CHSY3: variants seen among roughly 807,000 people sequenced by gnomAD.
CHSY3 encodes the protein N-acetylgalactosaminyl-proteoglycan 3-beta-glucuronosyltransferase 3.
Under a neutral mutation model 67.2 loss-of-function variants are expected in CHSY3, and 35 were observed. The observed-to-expected ratio is 0.52, with a 90% CI of 0.40 to 0.69. The LOEUF is 0.69. Among genes scored for constraint, CHSY3 ranks in the 30% least tolerant of loss-of-function variants. CHSY3 has a pLI of 0.00. For synonymous variants in CHSY3, 474 were observed against 434.7 expected (o/e 1.09, Z -1.12); for missense variants, 1,069 against 1,138.5 (o/e 0.94, Z 0.88).
At chr5:130,054,365 A>C (rs1316586029) in intron 2 of CHSY3, among the ~76,000 whole-genome samples, 1 of 152,166 alleles carries the variant, frequency 6.6e-6, no homozygotes, top group Non-Finnish European at 1.5e-5. Context: ...GTTTTCAAAT[A>C]TATTAATATT....
At chr5:130,178,219 A>G (rs1413332959) in intron 2 of CHSY3, among the ~76,000 whole-genome samples, 2 of 83,674 alleles carry the variant, frequency 2.4e-5, no homozygotes, top group African/African-American at 9.7e-5. Context: ...ATATGTATAT[A>G]TTTATATTTA....
intron 2 of CHSY3, among the ~76,000 whole-genome samples, chr5:130,144,123 T>A (rs1323291887): frequency 6.6e-6 from 1 of 151,216 alleles, no homozygotes; most frequent in Non-Finnish European, 1.5e-5. Context: ...TATAAATATA[T>A]CTTTCCAAGC....
chr5:129,907,104 C>G (rs1412496934), intron 1 of CHSY3, among the ~76,000 whole-genome samples: 1 of 152,158 alleles, frequency 6.6e-6, no homozygotes, highest in Non-Finnish European at 1.5e-5. Context: ...CTCAAAATTA[C>G]AAAGGTTTCC....
chr5:130,158,578 C>T (rs1362080051), intron 2 of CHSY3, among the ~76,000 whole-genome samples: 1 of 152,064 alleles, frequency 6.6e-6, no homozygotes, highest in African/African-American at 2.4e-5. Context: ...TTTTAAAGTG[C>T]CCAATATTAT....
intron 2 of CHSY3, among the ~76,000 whole-genome samples, chr5:129,940,946 C>A (rs569501894): frequency 6.6e-6 from 1 of 152,064 alleles, no homozygotes; most frequent in African/African-American, 2.4e-5. Flanking sequence ...TCAGTAGGCA[C>A]GGTGGCTCAT....
At chr5:130,020,158 C>T (rs562100161) in intron 2 of CHSY3, among the ~76,000 whole-genome samples, 37 of 152,080 alleles carry the variant, frequency 2.4e-4, no homozygotes, top group Admixed American at 7.9e-4. Context: ...TGGCTCACGC[C>T]GGTAGTCCCA....
intron 2 of CHSY3, among the ~76,000 whole-genome samples, chr5:130,047,572 A>G (rs1205966826): frequency 6.6e-6 from 1 of 152,088 alleles, no homozygotes; most frequent in East Asian, 1.9e-4. Context: ...TCCTCTATAT[A>G]ATAGGAAAAG....
intron 2 of CHSY3, among the ~76,000 whole-genome samples, chr5:130,157,542 A>C (rs1255692555): frequency 3.3e-5 from 5 of 152,230 alleles, no homozygotes; most frequent in Non-Finnish European, 1.5e-5. Flanking sequence ...AAAGGACCAA[A>C]GATTTTCGTT....
rs559993388 is a variant in CHSY3, at chr5:129,996,672, C to T, written c.1086+88312C>T. Among the ~76,000 whole-genome samples, 36 of 152,224 alleles carry T rather than the reference C, an allele frequency of 2.4e-4. No individual in the cohort carries two copies. The South Asian group carries it at 4.4e-3, about 18-fold the overall frequency. On this transcript the variant is annotated intron_variant, in intron 2 of 2. Transcript: ENST00000305031. ...TGAGGACAAGGCCTTCTAAATCAGG[C>T]TGAGTGCTTCAAAGGAGATCTTATT...
chr5:130,040,675 G>A (rs1368670479), intron 2 of CHSY3, among the ~76,000 whole-genome samples: 1 of 151,980 alleles, frequency 6.6e-6, no homozygotes, highest in Non-Finnish European at 1.5e-5. Context: ...AAACTTCATG[G>A]GCACTCAAAA....
chr5:129,904,724 G>T lies in CHSY3; in HGVS notation c.-106G>T. 1 of 1,226,464 alleles carries T rather than the reference G, an allele frequency of 8.2e-7. No individual in the cohort carries two copies. The highest frequency in any genetic ancestry group is 1.0e-6 in the Non-Finnish European group (1 of 984,938). The allele number at this position is 1,226,464 out of a possible 1,614,324, so 76.0% of individuals were successfully genotyped here. ...TGTCGGCGCCTAGGCGGCCGGCTGC[G>T]GCCGCGGCTGGGGGCGCAAAGGCGG... On this transcript the variant is annotated 5_prime_UTR_variant, in exon 1 of 3. Coordinates refer to ENST00000305031, the MANE Select transcript of CHSY3 (RefSeq NM_175856.5).
chr5:130,159,102 AT>A (rs1769452833), intron 2 of CHSY3, among the ~76,000 whole-genome samples: 1 of 150,570 alleles, frequency 6.6e-6, no homozygotes, highest in African/African-American at 2.4e-5. Flanking sequence ...ACCAAGCAGA[AT>A]TTTGGTTTAC....
In CHSY3 at chr5:129,918,308, G is replaced by C. The variant is rs190856251; in HGVS notation, c.1086+9948G>C. On this transcript the variant is annotated intron_variant, in intron 2 of 2. Coordinates refer to ENST00000305031, the MANE Select transcript of CHSY3 (RefSeq NM_175856.5). ...TATATCTCAGTAATACGTAATAAGA[G>C]AGTTCTTATGAGTGGAATGTCTACA... Among the ~76,000 whole-genome samples, 71 of 152,284 alleles carry C rather than the reference G, an allele frequency of 4.7e-4. No homozygotes were observed. In the East Asian group the frequency reaches 0.013, roughly 27 times the overall value.
chr5:129,972,689 C>T (rs1316655632), intron 2 of CHSY3, among the ~76,000 whole-genome samples: 1 of 151,782 alleles, frequency 6.6e-6, no homozygotes, highest in Admixed American at 6.6e-5. Flanking sequence ...TTAAGGTTAA[C>T]TCCCCCACAC....
At chr5:130,013,545 C>T (rs371658070) in intron 2 of CHSY3, among the ~76,000 whole-genome samples, 10 of 152,336 alleles carry the variant, frequency 6.6e-5, no homozygotes, top group African/African-American at 1.4e-4. Flanking sequence ...CCCAACACCA[C>T]GTGGAGGCTG....
At chr5:129,986,766 C>T (rs1408711867) in intron 2 of CHSY3, among the ~76,000 whole-genome samples, 1 of 152,120 alleles carries the variant, frequency 6.6e-6, no homozygotes, top group Non-Finnish European at 1.5e-5. Context: ...CCCCAGCCCC[C>T]CAAGTAGCTG....
intron 2 of CHSY3, among the ~76,000 whole-genome samples, chr5:130,074,079 GT>G (rs11353485): frequency 0.071 from 10,661 of 149,106 alleles, 1,228 homozygotes; most frequent in African/African-American, 0.25. Context: ...TTTGTTTTTT[GT>G]TTTTTTTTGA....
chr5:129,960,274 G>T (rs933456487), intron 2 of CHSY3, among the ~76,000 whole-genome samples: 30 of 152,028 alleles, frequency 2.0e-4, no homozygotes, highest in Non-Finnish European at 1.2e-4. Context: ...TAAAGATTGA[G>T]CTTATAAAGT....
chr5:130,069,034 T>C (rs76455867), intron 2 of CHSY3, among the ~76,000 whole-genome samples: 1 of 152,236 alleles, frequency 6.6e-6, no homozygotes, highest in East Asian at 1.9e-4. Context: ...AGAAAATCCA[T>C]ATTTTCTAAT....
Sources: allele counts gnomAD v4.1 joint callset (sites outside exome capture counted in the v4.1 genomes callset), GRCh38; gene constraint gnomAD v4.1.1; transcripts MANE v1.5; gene names NCBI Gene and HGNC (gene_info 2026-07-23, HGNC 2026-07-21).